CDK19: variants seen among roughly 807,000 people sequenced by gnomAD.
CDK19 encodes cyclin dependent kinase 19, also known as cyclin-dependent kinase 19.
CDK19 carries 20 observed loss-of-function variants against 68.3 expected under a neutral mutation model. The observed-to-expected ratio is 0.29, with a 90% CI of 0.21 to 0.43. The LOEUF is 0.43. Among genes scored for constraint, CDK19 ranks in the 20% least tolerant of loss-of-function variants. The pLI is 1.00. For synonymous variants in CDK19, 221 were observed against 222.8 expected (o/e 0.99, Z 0.07); for missense variants, 339 against 623.5 (o/e 0.54, Z 4.86).
rs962921640 is a variant in CDK19 at position 110,621,614 on chromosome 6, A to G, written c.1111-244T>C. On this transcript the variant is annotated intron_variant, in intron 11 of 12. Coordinates refer to ENST00000368911, the MANE Select transcript of CDK19 (RefSeq NM_015076.5). The surrounding 1 kb of genome is among the most constrained non-coding windows in gnomAD (Gnocchi z 5.4). The stretch of plus-strand genomic sequence containing the variant: ...ATTTAGACTGCACAGTGATCCTCCA[A>G]ATCAGTCACAGACATCTCACTGAAG... Among the ~76,000 whole-genome samples the G allele has an allele frequency of 2.0e-5, 3 of 152,194 alleles. No individual in the cohort carries two copies. The highest frequency in any genetic ancestry group is 4.4e-5 in the Non-Finnish European group (3 of 68,036).
chr6:110,654,617 A>C (rs1023494271), intron 4 of CDK19, among the ~76,000 whole-genome samples: 3 of 152,232 alleles, frequency 2.0e-5, no homozygotes, highest in Non-Finnish European at 2.9e-5. Context: ...GGTAAGGTAT[A>C]AGTGTCCTCT....
At chr6:110,763,282 A>G (rs973477935) in intron 1 of CDK19, among the ~76,000 whole-genome samples, 3 of 152,170 alleles carry the variant, frequency 2.0e-5, no homozygotes, top group Non-Finnish European at 4.4e-5. Context: ...TATAAGCAGT[A>G]CTTGACAATT....
At chr6:110,676,016 T>C (rs542165668) in intron 2 of CDK19, among the ~76,000 whole-genome samples, 3 of 152,288 alleles carry the variant, frequency 2.0e-5, no homozygotes, top group South Asian at 4.1e-4. Context: ...GCAAAGTAAA[T>C]TGAAAACCTT....
intron 1 of CDK19, among the ~76,000 whole-genome samples, chr6:110,803,331 G>C (rs964667439): frequency 1.1e-4 from 16 of 152,126 alleles, no homozygotes; most frequent in Non-Finnish European, 4.4e-5. Context: ...CACCCGCCTT[G>C]GCCTCCCAAA....
intron 2 of CDK19, among the ~76,000 whole-genome samples, chr6:110,708,472 T>C (rs556504952): frequency 1.3e-5 from 2 of 152,266 alleles, no homozygotes; most frequent in African/African-American, 4.8e-5. Context: ...CTACAGAGAT[T>C]TTACCTGCAG....
intron 2 of CDK19, among the ~76,000 whole-genome samples, chr6:110,713,052 C>T (rs920444103): frequency 6.6e-6 from 1 of 151,926 alleles, no homozygotes; most frequent in Non-Finnish European, 1.5e-5. Context: ...CAAAAATTAG[C>T]TGGGCGTGGT....
intron 2 of CDK19, among the ~76,000 whole-genome samples, chr6:110,712,109 G>A (rs1461794662): frequency 6.6e-6 from 1 of 152,126 alleles, no homozygotes; most frequent in African/African-American, 2.4e-5. Flanking sequence ...TGTTATGTAG[G>A]CCATTAACAG....
At chr6:110,770,225 T>A (rs2114990410) in intron 1 of CDK19, among the ~76,000 whole-genome samples, 1 of 152,318 alleles carries the variant, frequency 6.6e-6, no homozygotes, top group African/African-American at 2.4e-5. Context: ...ATATATGATA[T>A]AATATGCAGC....
chr6:110,752,190 C>T (rs993963555), intron 1 of CDK19, among the ~76,000 whole-genome samples: 1 of 151,960 alleles, frequency 6.6e-6, no homozygotes, highest in African/African-American at 2.4e-5. Context: ...TACATAATAA[C>T]ATATTTAAAT....
chr6:110,731,418 T>C (rs1346795268), intron 2 of CDK19, among the ~76,000 whole-genome samples: 1 of 152,156 alleles, frequency 6.6e-6, no homozygotes, highest in Non-Finnish European at 1.5e-5. Context: ...GATTAGTGGT[T>C]GCCAAGGGCT....
At chr6:110,815,699 C>T (rs551783909), upstream of CDK19, 1 of 152,682 alleles carries the variant, frequency 6.5e-6, no homozygotes, top group Admixed American at 6.5e-5. Flanking sequence ...AGTGTGCTTT[C>T]TGCGGTTCTC....
Position 110,622,798 on chromosome 6 carries a change from A to AT in CDK19, c.1031+16_1031+17insA, listed in dbSNP as rs766583618. ...CTCAGCCTGGAGCAAAGGACACAGAAAAGACAGGATACATACTCTAATGTT... is the reference window on the plus strand; with the variant it reads ...CTCAGCCTGGAGCAAAGGACACAGAATAAGACAGGATACATACTCTAATGTT... On this transcript the variant is annotated intron_variant, in intron 10 of 12. Coordinates refer to ENST00000368911, the MANE Select transcript of CDK19 (RefSeq NM_015076.5). 9.9e-6 allele frequency: 15 copies of AT among 1,515,382 alleles called. No homozygotes were observed. The South Asian group carries it at 1.5e-4, about 15-fold the overall frequency. 93.9% of individuals were successfully genotyped at this position (1,515,382 alleles called of 1,614,324 possible).
At chr6:110,622,192 A>T (rs764824449) in intron 10 of CDK19, 26 bp from the exon 11 acceptor site, 1 of 1,455,064 alleles carries the variant, frequency 6.9e-7, no homozygotes, top group South Asian at 1.2e-5. Flanking sequence ...AAGAAAAAAC[A>T]TATCATGATC....
chr6:110,648,635 G>A (rs1780771112), intron 4 of CDK19, among the ~76,000 whole-genome samples: 1 of 149,716 alleles, frequency 6.7e-6, no homozygotes, highest in South Asian at 2.1e-4. Flanking sequence ...CTGCCTTCCA[G>A]GTTCAAGCGA....
intron 5 of CDK19, among the ~76,000 whole-genome samples, chr6:110,634,042 A>G (rs1664046926): frequency 6.6e-6 from 1 of 152,232 alleles, no homozygotes; most frequent in Non-Finnish European, 1.5e-5. Context: ...TGTTGATTGT[A>G]TAAGGGGCCC....
intron 4 of CDK19, chr6:110,646,144 G>T: frequency 1.1e-6 from 1 of 948,462 alleles, no homozygotes. Flanking sequence ...AACACCTTCG[G>T]CATGGAGAGC....
At chr6:110,797,401 T>A (rs1333955541) in intron 1 of CDK19, among the ~76,000 whole-genome samples, 1 of 152,162 alleles carries the variant, frequency 6.6e-6, no homozygotes, top group Non-Finnish European at 1.5e-5. Flanking sequence ...TAATTTAACA[T>A]CACTACAAAG....
chr6:110,692,694 G>C (rs1773115795), intron 2 of CDK19, among the ~76,000 whole-genome samples: 1 of 152,082 alleles, frequency 6.6e-6, no homozygotes. Flanking sequence ...TCGGTCAACA[G>C]GCTCTCTAAA....
chr6:110,614,754 C>T lies in CDK19; in HGVS notation c.1378-88G>A, dbSNP rs1383774812. On this transcript the variant is annotated intron_variant, in intron 12 of 12. Coordinates refer to ENST00000368911, the MANE Select transcript of CDK19 (RefSeq NM_015076.5). ...ATCACAGTAGGATAGAGATATAAGC[C>T]GTTTTCATTAGGTTCCTGGTTCAGA... 6 of 1,344,108 alleles carry T rather than the reference C, an allele frequency of 4.5e-6. No homozygotes were observed. The East Asian group carries it at 9.3e-5, about 21-fold the overall frequency. 83.3% of individuals were successfully genotyped at this position (1,344,108 alleles called of 1,614,324 possible).
Sources: allele counts gnomAD v4.1 joint callset (sites outside exome capture counted in the v4.1 genomes callset), GRCh38; gene constraint gnomAD v4.1.1; non-coding constraint Gnocchi (gnomAD v3.1); transcripts MANE v1.5; gene names NCBI Gene and HGNC (gene_info 2026-07-23, HGNC 2026-07-21).